The following RDH12 variants were observed in gnomAD, a reference collection of about 807,000 sequenced individuals.
RDH12 encodes the protein all-trans and 9-cis retinol dehydrogenase.
RDH12 carries 21 observed loss-of-function variants against 34.0 expected under a neutral mutation model. That is an observed-to-expected ratio of 0.62 (90% CI 0.44 to 0.89). The LOEUF is 0.89. RDH12 is among the 40% of genes least tolerant of loss of function. The pLI is 0.00. For synonymous variants in RDH12, 198 were observed against 169.9 expected (o/e 1.17, Z -1.29); for missense variants, 394 against 398.6 (o/e 0.99, Z 0.10).
At chr14:67,732,898 T>C (rs1227363494) in intron 8 of RDH12, among the ~76,000 whole-genome samples, 2 of 152,126 alleles carry the variant, frequency 1.3e-5, no homozygotes, top group East Asian at 1.9e-4. Flanking sequence ...GCTTTTCTTC[T>C]TTTATCAGCA....
At chr14:67,726,230 G>A (rs1217439346) in intron 6 of RDH12, 75 bp downstream of exon 6, 1 of 915,810 alleles carries the variant, frequency 1.1e-6, no homozygotes, top group Non-Finnish European at 1.8e-6. Flanking sequence ...CTGTGTAAAT[G>A]TGGAGAATGT....
chr14:67,726,230 G>C, intron 6 of RDH12, 75 bp downstream of exon 6: 1 of 915,928 alleles, frequency 1.1e-6, no homozygotes, highest in Non-Finnish European at 1.8e-6. Context: ...CTGTGTAAAT[G>C]TGGAGAATGT....
At chr14:67,705,928 A>T (rs1252924683) in intron 1 of RDH12, 1 of 152,244 alleles carries the variant, frequency 6.6e-6, no homozygotes, top group Non-Finnish European at 1.5e-5. Flanking sequence ...ATCATTAACT[A>T]TGTCAAGCAG....
intron 8 of RDH12, chr14:67,729,735 A>C (rs569933591): frequency 1.3e-4 from 66 of 514,294 alleles, no homozygotes; most frequent in South Asian, 1.0e-3. Flanking sequence ...GAATTTTTAA[A>C]TACCAATTAG....
chr14:67,728,703 T>TGG (rs142252701), intron 7 of RDH12, among the ~76,000 whole-genome samples: 57,398 of 141,692 alleles, frequency 0.41, 12,132 homozygotes, highest in Non-Finnish European at 0.49. Context: ...GGATATCTTG[T>TGG]GGGGGGGGGG....
chr14:67,728,542 T>C (rs2038219743), intron 7 of RDH12, among the ~76,000 whole-genome samples: 1 of 152,232 alleles, frequency 6.6e-6, no homozygotes, highest in Admixed American at 6.5e-5. Flanking sequence ...ACTTAAACTT[T>C]CTGTGACTTA....
chr14:67,725,337 C>T, intron 5 of RDH12, 83 bp downstream of exon 5: 1 of 1,365,262 alleles, frequency 7.3e-7, no homozygotes, highest in South Asian at 1.2e-5. Flanking sequence ...ATGGCCCTTA[C>T]ATCAGAACCA....
chr14:67,730,152 G>A (rs1201538325), intron 8 of RDH12, among the ~76,000 whole-genome samples: 1 of 152,174 alleles, frequency 6.6e-6, no homozygotes, highest in African/African-American at 2.4e-5. Context: ...ACAACCCTGC[G>A]AGGCAGGTAA....
chr14:67,702,437 A>T (rs77198026), intron 1 of RDH12, among the ~76,000 whole-genome samples: 1 of 150,824 alleles, frequency 6.6e-6, no homozygotes, highest in Admixed American at 6.6e-5. Context: ...TCTTACTTAT[A>T]AAAAAAATCA....
Position 67,729,215 on chromosome 14 carries a change from TG to T in RDH12, c.684del (p.His229ThrfsTer49). On this transcript the variant is annotated frameshift_variant, in exon 8 of 9. Coordinates refer to ENST00000551171, the MANE Select transcript of RDH12 (RefSeq NM_152443.3). LOFTEE classifies it high-confidence loss of function. ...GGCACCGGGGTCACCACCTACGCAG[TG>T]CACCCAGGCGTCGTCCGCTCTGAGC... ...LQGTGVTTYAVHPGVVRSELV... is the reference protein window; with the variant it reads ...LQGTGVTTYAXHPGVVRSELV... The T allele has an allele frequency of 3.7e-6, 6 of 1,612,462 alleles. No homozygotes were observed. The highest frequency in any genetic ancestry group is 4.2e-6 in the Non-Finnish European group (5 of 1,180,022).
At position 67,708,050 on chromosome 14, in the gene RDH12, C is replaced by A. The variant is rs113975952; in HGVS notation, c.-275+6115C>A. ...TGGAAACAGATTCTTACTGCACTTA[C>A]GTAAATAGCTGTATTGTTATAAGTT... On this transcript the variant is annotated intron_variant, in intron 1 of 8. Transcript: ENST00000551171. 2.0e-5 allele frequency among the ~76,000 whole-genome samples: 3 copies of A among 152,148 alleles called. No homozygotes were observed. The East Asian group carries it at 5.8e-4, about 29-fold the overall frequency.
intron 1 of RDH12, among the ~76,000 whole-genome samples, chr14:67,715,365 C>G (rs2038057771): frequency 6.6e-6 from 1 of 152,220 alleles, no homozygotes; most frequent in South Asian, 2.1e-4. Flanking sequence ...TTGGTTTACT[C>G]CAAACAGAAA....
intron 8 of RDH12, among the ~76,000 whole-genome samples, chr14:67,732,476 G>A (rs1343638398): frequency 4.8e-5 from 7 of 145,942 alleles, no homozygotes; most frequent in Admixed American, 4.2e-4. Context: ...GTATGATCCC[G>A]GTTTTATGTA....
chr14:67,709,321 A>G (rs1461671938), intron 1 of RDH12, among the ~76,000 whole-genome samples: 1 of 152,246 alleles, frequency 6.6e-6, no homozygotes, highest in Non-Finnish European at 1.5e-5. Flanking sequence ...CCAAACAATA[A>G]GCCCTAATAA....
At chr14:67,728,295 C>T (rs1463919512) in intron 7 of RDH12, 1 of 152,168 alleles carries the variant, frequency 6.6e-6, no homozygotes, top group Non-Finnish European at 1.5e-5. Flanking sequence ...TTATGTGTGC[C>T]ATGTACTACA....
At chr14:67,717,734 C>G (rs566343442) in intron 1 of RDH12, 4 of 152,150 alleles carry the variant, frequency 2.6e-5, no homozygotes, top group African/African-American at 9.7e-5. Flanking sequence ...CTCCTTTACT[C>G]GGAACAGCCA....
intron 1 of RDH12, 110 bp downstream of exon 1, chr14:67,702,045 G>A (rs917367054): frequency 2.0e-5 from 3 of 152,080 alleles, no homozygotes; most frequent in Admixed American, 2.0e-4. Flanking sequence ...TTGAACTCCT[G>A]ATCTCAAATG....
intron 3 of RDH12, among the ~76,000 whole-genome samples, chr14:67,723,856 G>A (rs2038153452): frequency 6.6e-6 from 1 of 152,224 alleles, no homozygotes; most frequent in Non-Finnish European, 1.5e-5. Context: ...TCTGCACAGA[G>A]GTCTGAACAA....
chr14:67,711,287 A>G (rs1440748358), intron 1 of RDH12, among the ~76,000 whole-genome samples: 2 of 152,214 alleles, frequency 1.3e-5, no homozygotes, highest in Admixed American at 6.5e-5. Flanking sequence ...TCTAATCCCT[A>G]TGCCAAATTT....
Sources: gnomAD v4.1 joint callset for allele counts (sites outside exome capture counted in the v4.1 genomes callset) on GRCh38, gnomAD v4.1.1 for gene constraint, MANE v1.5 for transcripts, NCBI Gene and HGNC (gene_info 2026-07-23, HGNC 2026-07-21) for gene names.